Variants in NXPH1 observed in about 807,000 individuals in gnomAD.
NXPH1 encodes neurexophilin-1.
Under a neutral mutation model 23.7 loss-of-function variants are expected in NXPH1, and 5 were observed. That is an observed-to-expected ratio of 0.21 (90% confidence interval 0.11 to 0.44). The LOEUF (loss-of-function observed/expected upper bound fraction) is 0.44. Among genes scored for constraint, NXPH1 ranks in the 20% least tolerant of loss-of-function variants. The pLI is 0.99. For synonymous variants in NXPH1, 144 were observed against 122.2 expected (o/e 1.18, Z -1.18); for missense variants, 324 against 321.6 (o/e 1.01, Z -0.06).
chr7:8,463,729 C>T (rs574761116), intron 2 of NXPH1, among the ~76,000 whole-genome samples: 18 of 152,162 alleles, frequency 1.2e-4, no homozygotes, highest in African/African-American at 3.6e-4. Flanking sequence ...TTGCTTTGTT[C>T]TATGGACTGT....
chr7:8,456,564 AC>A (rs1377966396), intron 2 of NXPH1, among the ~76,000 whole-genome samples: 1 of 152,192 alleles, frequency 6.6e-6, no homozygotes, highest in East Asian at 1.9e-4. Context: ...TCCAGGCCAG[AC>A]ATGACATATC....
chr7:8,434,513 A>C lies in NXPH1; in HGVS notation c.-353A>C, dbSNP rs1222730922. The C allele has an allele frequency of 1.3e-5, 2 of 152,528 alleles. No homozygotes were observed. The highest frequency in any genetic ancestry group is 2.4e-5 in the African/African-American group (1 of 41,274). The allele number at this position is 152,528 out of a possible 1,614,324, so 9.4% of individuals were successfully genotyped here. On this transcript the variant is annotated 5_prime_UTR_variant, in exon 1 of 3. Coordinates refer to ENST00000405863, the MANE Select transcript of NXPH1 (RefSeq NM_152745.3). The surrounding 1 kb of genome is among the most constrained non-coding windows in gnomAD (Gnocchi z 7.6). ...CTCTCTTGCCTCTTAAGTTTCCTGC[A>C]CCGTGAATCCAACTGTGCCAAGCCT...
intron 2 of NXPH1, among the ~76,000 whole-genome samples, chr7:8,457,779 G>A (rs1318978815): frequency 6.6e-6 from 1 of 152,044 alleles, no homozygotes; most frequent in African/African-American, 2.4e-5. Flanking sequence ...GAGGCTATGT[G>A]TGTATATTGA....
At chr7:8,454,291 G>A (rs1347753358) in intron 2 of NXPH1, among the ~76,000 whole-genome samples, 2 of 152,166 alleles carry the variant, frequency 1.3e-5, no homozygotes, top group African/African-American at 4.8e-5. Context: ...TTAGTGGACT[G>A]CCTTTGGAAC....
At position 8,471,704 on chromosome 7, in the gene NXPH1, A is replaced by C. The variant is rs527318177; in HGVS notation, c.54+35937A>C. On this transcript the variant is annotated intron_variant, in intron 2 of 2. Coordinates refer to ENST00000405863, the MANE Select transcript of NXPH1 (RefSeq NM_152745.3). ...TTTATTTTTTTCTTCCCTGGAGACT[A>C]GAGCAAAATCTTTGTGAAGGTTTTT... 2.0e-4 allele frequency among the ~76,000 whole-genome samples: 31 copies of C among 152,262 alleles called. 1 individual carries two copies. In the South Asian group the frequency reaches 6.0e-3, roughly 30 times the overall value.
At position 8,616,416 on chromosome 7, in the gene NXPH1, T is replaced by C. The variant is rs1819739714; in HGVS notation, c.55-134592T>C. Among the ~76,000 whole-genome samples, 3 of 152,094 alleles carry C rather than the reference T, an allele frequency of 2.0e-5. No individual in the cohort carries two copies. In the South Asian group the frequency reaches 6.2e-4, roughly 31 times the overall value. ...GTATTTATCACCATCCCACATTTTA[T>C]AAATTTACTTGTTTATTTTTTGTTC... On this transcript the variant is annotated intron_variant, in intron 2 of 2. Coordinates refer to ENST00000405863, the MANE Select transcript of NXPH1 (RefSeq NM_152745.3).
intron 2 of NXPH1, among the ~76,000 whole-genome samples, chr7:8,709,906 C>T (rs1023345763): frequency 3.3e-5 from 5 of 152,184 alleles, no homozygotes; most frequent in Non-Finnish European, 7.4e-5. Flanking sequence ...GTTGAACTTA[C>T]TGCCTCAGGA....
rs1358082885 is a variant in NXPH1 at position 8,752,772 on chromosome 7, G to A, written c.*1003G>A. On this transcript the variant is annotated 3_prime_UTR_variant, in exon 3 of 3. Transcript: ENST00000405863. ...TATTGGTTAAGAAAAAAGGATATGA[G>A]GAATTCATTTTATCAATGTAGCTGT... 1.3e-5 allele frequency: 2 copies of A among 152,160 alleles called. No homozygotes were observed. Among genetic ancestry groups the A allele is most frequent in the Non-Finnish European group, 2.9e-5 (2 of 67,974 alleles). The allele number at this position is 152,160 out of a possible 1,614,324, so 9.4% of individuals were successfully genotyped here. A position where few individuals can be genotyped will look rare whatever the true frequency, so the allele number is the denominator to read the frequency against.
intron 2 of NXPH1, among the ~76,000 whole-genome samples, chr7:8,440,556 A>AT (rs375972457): frequency 4.4e-4 from 66 of 151,506 alleles, no homozygotes; most frequent in Non-Finnish European, 6.9e-4. Context: ...AAATTGGTTG[A>AT]TTTTTTTTTG....
intron 2 of NXPH1, among the ~76,000 whole-genome samples, chr7:8,565,763 C>G (rs75511533): frequency 0.082 from 12,434 of 151,656 alleles, 1,653 homozygotes; most frequent in African/African-American, 0.28. Context: ...CCTCTTGGCC[C>G]ATCGTTACTT....
chr7:8,662,174 A>G (rs1191341584), intron 2 of NXPH1, among the ~76,000 whole-genome samples: 2 of 69,510 alleles, frequency 2.9e-5, no homozygotes, highest in Non-Finnish European at 6.1e-5. Flanking sequence ...ATGATTTTAT[A>G]TATATATATA....
chr7:8,695,095 T>C (rs1387985250), intron 2 of NXPH1, among the ~76,000 whole-genome samples: 1 of 152,210 alleles, frequency 6.6e-6, no homozygotes, highest in African/African-American at 2.4e-5. Context: ...GAAATATTCA[T>C]TGCTGATATT....
chr7:8,604,232 A>AT (rs1819426953), intron 2 of NXPH1, among the ~76,000 whole-genome samples: 1 of 152,132 alleles, frequency 6.6e-6, no homozygotes, highest in African/African-American at 2.4e-5. Flanking sequence ...AACATCATGT[A>AT]TTTTTTAAAC....
intron 2 of NXPH1, among the ~76,000 whole-genome samples, chr7:8,484,788 A>G (rs1014838359): frequency 7.2e-5 from 11 of 152,138 alleles, no homozygotes; most frequent in African/African-American, 2.4e-4. Flanking sequence ...TCAGGGAAAA[A>G]TATTGCATTA....
chr7:8,633,949 C>A (rs1305558983), intron 2 of NXPH1, among the ~76,000 whole-genome samples: 1 of 152,106 alleles, frequency 6.6e-6, no homozygotes, highest in African/African-American at 2.4e-5. Context: ...TATGAAAACA[C>A]CTTTGCTTAA....
At position 8,656,507 on chromosome 7, in the gene NXPH1, GT is replaced by G. The variant is rs200902214; in HGVS notation, c.55-94483del. Among the ~76,000 whole-genome samples, 601 of 136,746 alleles carry G rather than the reference GT, an allele frequency of 4.4e-3. 1 individual carries two copies. The highest frequency in any genetic ancestry group is 7.5e-3 in the Middle Eastern group (2 of 268). 89.7% of individuals were successfully genotyped at this position (136,746 alleles called of 152,430 possible). ...ATAACTCACAAACTGTAGAGTTAATGTTTTTTTTTTTTTTTTTTCAGAGGGT... is the reference window on the plus strand; with the variant it reads ...ATAACTCACAAACTGTAGAGTTAATGTTTTTTTTTTTTTTTTTCAGAGGGT... On this transcript the variant is annotated intron_variant, in intron 2 of 2. Transcript: ENST00000405863.
chr7:8,645,068 G>A (rs1489477935), intron 2 of NXPH1, among the ~76,000 whole-genome samples: 2 of 152,076 alleles, frequency 1.3e-5, no homozygotes, highest in Non-Finnish European at 2.9e-5. Context: ...AATAGTGCTC[G>A]TTCTCTTGTT....
chr7:8,466,674 A>G (rs566364166), intron 2 of NXPH1, among the ~76,000 whole-genome samples: 193 of 152,306 alleles, frequency 1.3e-3, no homozygotes, highest in African/African-American at 4.5e-3. Flanking sequence ...GGCTTGTGAT[A>G]TTACTCATAT....
intron 2 of NXPH1, among the ~76,000 whole-genome samples, chr7:8,711,334 A>C (rs1414168244): frequency 6.6e-6 from 1 of 152,230 alleles, no homozygotes; most frequent in Non-Finnish European, 1.5e-5. Flanking sequence ...TGGGTTAGAC[A>C]TATTTATTTT....
Sources: allele counts gnomAD v4.1 joint callset (sites outside exome capture counted in the v4.1 genomes callset), GRCh38; gene constraint gnomAD v4.1.1; non-coding constraint Gnocchi (gnomAD v3.1); transcripts MANE v1.5; gene names NCBI Gene and HGNC (gene_info 2026-07-23, HGNC 2026-07-21).